The following APOOL variants were observed in gnomAD, a reference collection of about 807,000 sequenced individuals.
APOOL encodes the protein apolipoprotein O like.
A neutral mutation model predicts 23.1 loss-of-function variants in APOOL; 12 were observed. The observed-to-expected ratio is 0.52, with a 90% confidence interval of 0.33 to 0.84. The LOEUF (loss-of-function observed/expected upper bound fraction) is 0.84. Among genes scored for constraint, APOOL ranks in the 40% least tolerant of loss-of-function variants. The pLI, the probability that APOOL is intolerant of heterozygous loss-of-function variation, is 0.02. For missense variants in APOOL, 212 were observed against 199.6 expected (o/e 1.06, Z -0.37); for synonymous variants, 77 against 69.9 (o/e 1.10, Z -0.51).
chrX:85,088,994 T>C lies in APOOL; in HGVS notation c.*1316T>C, dbSNP rs996301413. Reference sequence around the variant, plus strand: ...TGAACTATTTTTTCTCTCTCCTTCCTATAATTGTTATACTTCTTTAAAAAG... The same window carrying C: ...TGAACTATTTTTTCTCTCTCCTTCCCATAATTGTTATACTTCTTTAAAAAG... On this transcript the variant is annotated 3_prime_UTR_variant, in exon 9 of 9. Transcript: ENST00000373173. 3.6e-5 allele frequency: 4 copies of C among 112,040 alleles called. No homozygotes were observed. The highest frequency in any genetic ancestry group is 1.3e-4 in the African/African-American group (4 of 30,804). The allele number at this position is 112,040 out of a possible 1,213,427, so 9.2% of individuals were successfully genotyped here.
At chrX:85,006,574 A>G (rs933050308) in intron 1 of APOOL, among the ~76,000 whole-genome samples, 12 of 110,263 alleles carry the variant, frequency 1.1e-4, no homozygotes, top group Non-Finnish European at 1.7e-4. Context: ...AAAAAAAACT[A>G]AAAACAAAAC....
intron 1 of APOOL, among the ~76,000 whole-genome samples, chrX:85,033,550 A>G (rs1272332749): frequency 8.9e-6 from 1 of 112,089 alleles, no homozygotes; most frequent in Non-Finnish European, 1.9e-5. Flanking sequence ...TATATGGAGA[A>G]TAAGTTTTTT....
chrX:85,075,487 T>A (rs2032571), intron 8 of APOOL, among the ~76,000 whole-genome samples: 10 of 110,015 alleles, frequency 9.1e-5, no homozygotes, highest in East Asian at 2.9e-4. Flanking sequence ...TCACTTAATC[T>A]TCATAAAAAC....
intron 2 of APOOL, among the ~76,000 whole-genome samples, chrX:85,049,819 C>G (rs1396227709): frequency 9.0e-6 from 1 of 110,664 alleles, no homozygotes; most frequent in Non-Finnish European, 1.9e-5. Context: ...ACAACTTAAT[C>G]AGCAGGTTTT....
chrX:85,055,783 G>A, intron 4 of APOOL, 44 bp from the exon 5 acceptor site: 4 of 945,346 alleles, frequency 4.2e-6, no homozygotes, highest in Non-Finnish European at 5.9e-6. Context: ...AGAATATCCA[G>A]TAGAATTCAG....
chrX:85,030,925 A>G (rs939708873), intron 1 of APOOL, among the ~76,000 whole-genome samples: 3 of 112,156 alleles, frequency 2.7e-5, no homozygotes, highest in Non-Finnish European at 5.6e-5. Context: ...GATACATAGA[A>G]ATTAAAAATA....
chrX:85,037,790 A>C lies in APOOL; in HGVS notation c.16-8656A>C, dbSNP rs1389906168. 1.8e-5 allele frequency among the ~76,000 whole-genome samples: 2 copies of C among 111,314 alleles called. 1 individual carries two copies. The highest frequency in any genetic ancestry group is 8.4e-3 in the Middle Eastern group (2 of 237). On this transcript the variant is annotated intron_variant, in intron 1 of 8. Coordinates refer to ENST00000373173, the MANE Select transcript of APOOL (RefSeq NM_198450.6). ...GGTAAGCCGCACATAGAAGAATGAAAATGGATCCCTATCTGTCACCATATA... is the reference window on the plus strand; with the variant it reads ...GGTAAGCCGCACATAGAAGAATGAACATGGATCCCTATCTGTCACCATATA...
chrX:85,059,314 T>C (rs1923097459), intron 5 of APOOL, among the ~76,000 whole-genome samples: 1 of 109,892 alleles, frequency 9.1e-6, no homozygotes, highest in African/African-American at 3.3e-5. Flanking sequence ...TCTTTGCTAT[T>C]GTGAATAGTG....
rs779762610 is a variant in APOOL at position 85,074,123 on chromosome X, A to G, written c.600+12A>G. 7 of 1,151,968 alleles carry G rather than the reference A, an allele frequency of 6.1e-6. No homozygotes were observed. The highest frequency in any genetic ancestry group is 3.9e-5 in the South Asian group (2 of 51,488). 94.9% of individuals were successfully genotyped at this position (1,151,968 alleles called of 1,213,427 possible). ...AAGAAAAAACTAAGGTAGAGTTTAC[A>G]TGGAGCAAGACGGTCAACATTGAGT... On this transcript the variant is annotated intron_variant, in intron 7 of 8. Transcript: ENST00000373173.
At chrX:85,062,058 C>A (rs1444263489) in intron 5 of APOOL, among the ~76,000 whole-genome samples, 1 of 110,559 alleles carries the variant, frequency 9.0e-6, no homozygotes, top group Non-Finnish European at 1.9e-5. Flanking sequence ...TGAATGTGTC[C>A]CAGAGATTCT....
intron 1 of APOOL, among the ~76,000 whole-genome samples, chrX:85,010,397 A>G (rs1921236306): frequency 8.9e-6 from 1 of 111,757 alleles, no homozygotes; most frequent in Non-Finnish European, 1.9e-5. Flanking sequence ...AGGTGGTTTT[A>G]GGTTAAATGG....
At chrX:85,077,737 A>C (rs1434435181) in intron 8 of APOOL, among the ~76,000 whole-genome samples, 2 of 111,670 alleles carry the variant, frequency 1.8e-5, no homozygotes, top group African/African-American at 3.3e-5. Flanking sequence ...GTGTAAAAGC[A>C]TTCCTATTTC....
rs149039439 is a variant in APOOL, at chrX:85,015,967, T to C, written c.15+12040T>C. ...AGTTATAAAGAGAGCCTTTGTGTGCTGGCTTTCCCTGATGCTGGTTGTGGT... is the reference window on the plus strand; with the variant it reads ...AGTTATAAAGAGAGCCTTTGTGTGCCGGCTTTCCCTGATGCTGGTTGTGGT... On this transcript the variant is annotated intron_variant, in intron 1 of 8. Coordinates refer to ENST00000373173, the MANE Select transcript of APOOL (RefSeq NM_198450.6). Among the ~76,000 whole-genome samples, 565 of 111,069 alleles carry C rather than the reference T, an allele frequency of 5.1e-3. 1 individual carries two copies. The highest frequency in any genetic ancestry group is 7.8e-3 in the Non-Finnish European group (411 of 53,007).
At chrX:85,034,157 C>T (rs1386833013) in intron 1 of APOOL, among the ~76,000 whole-genome samples, 2 of 107,519 alleles carry the variant, frequency 1.9e-5, no homozygotes, top group Admixed American at 2.0e-4. Flanking sequence ...AGCTGAGTCA[C>T]ACAATATATA....
At chrX:85,065,163 G>A (rs1403579568) in intron 5 of APOOL, among the ~76,000 whole-genome samples, 1 of 111,151 alleles carries the variant, frequency 9.0e-6, no homozygotes, top group Non-Finnish European at 1.9e-5. Context: ...GACATCTGTT[G>A]GTTTAAAGTC....
intron 2 of APOOL, 55 bp from the exon 3 acceptor site, chrX:85,051,334 G>A: frequency 8.4e-7 from 1 of 1,193,919 alleles, no homozygotes; most frequent in Non-Finnish European, 1.1e-6. Context: ...CCATACCGCT[G>A]TTATGGACAG....
chrX:85,091,383 T>C lies in APOOL; in HGVS notation c.*3705T>C, dbSNP rs758708408. On this transcript the variant is annotated 3_prime_UTR_variant, in exon 9 of 9. Transcript: ENST00000373173. ...GGAGATAAATTCTGAGGAGCTTACT[T>C]ATGAAAAACTAGCAAGTGATAGCTG... 1.8e-5 allele frequency: 2 copies of C among 112,775 alleles called. No individual in the cohort carries two copies. The highest frequency in any genetic ancestry group is 1.9e-5 in the Non-Finnish European group (1 of 53,356). The allele number at this position is 112,775 out of a possible 1,213,427, so 9.3% of individuals were successfully genotyped here. A position where few individuals can be genotyped will look rare whatever the true frequency, so the allele number is the denominator to read the frequency against.
At chrX:85,076,052 G>T (rs1923826169) in intron 8 of APOOL, among the ~76,000 whole-genome samples, 1 of 110,926 alleles carries the variant, frequency 9.0e-6, no homozygotes, top group Non-Finnish European at 1.9e-5. Context: ...TTCTCACATG[G>T]CAGAGAAGAG....
rs766497759 is a variant in APOOL at position 85,088,316 on chromosome X, G to GTTTTTTTTTTTTTTTTTTTTTTTTTT, written c.*642_*667dup. 4 of 22,533 alleles carry GTTTTTTTTTTTTTTTTTTTTTTTTTT rather than the reference G, an allele frequency of 1.8e-4. 2 individuals carry two copies. Among genetic ancestry groups the GTTTTTTTTTTTTTTTTTTTTTTTTTT allele is most frequent in the Non-Finnish European group, 3.2e-4 (4 of 12,648 alleles). 1.9% of individuals were successfully genotyped at this position (22,533 alleles called of 1,213,427 possible). On this transcript the variant is annotated 3_prime_UTR_variant, in exon 9 of 9. Transcript: ENST00000373173. ...TGTATGGAAAGGTGTGTTTCCCTCT[G>GTTTTTTTTTTTTTTTTTTTTTTTTTT]TTTTTTTTTTTTTTTTTTTTTTTTT...
Sources: allele counts gnomAD v4.1 joint callset (sites outside exome capture counted in the v4.1 genomes callset), GRCh38; gene constraint gnomAD v4.1.1; transcripts MANE v1.5; gene names NCBI Gene and HGNC (gene_info 2026-07-23, HGNC 2026-07-21).